Variants in ECE1 observed in about 807,000 individuals in gnomAD.
The protein encoded by ECE1 is endothelin converting enzyme 1.
ECE1 carries 35 observed loss-of-function variants against 98.6 expected under a neutral mutation model. That is an observed-to-expected ratio of 0.35 (90% CI 0.27 to 0.47). ECE1 has a LOEUF of 0.47. Ranked by LOEUF, ECE1 falls within the 20% of genes least tolerant of loss-of-function variation. ECE1 has a pLI of 1.00. For synonymous variants in ECE1, 394 were observed against 407.1 expected (o/e 0.97, Z 0.39); for missense variants, 814 against 1,025.3 (o/e 0.79, Z 2.81).
chr1:21,343,807 T>C (rs1639447093), intron 1 of ECE1, among the ~76,000 whole-genome samples: 1 of 152,208 alleles, frequency 6.6e-6, no homozygotes, highest in South Asian at 2.1e-4. Flanking sequence ...TGAGGGGACC[T>C]CTTTCTTTTT....
At chr1:21,339,289 A>G (rs1211581150) in intron 1 of ECE1, among the ~76,000 whole-genome samples, 4 of 152,192 alleles carry the variant, frequency 2.6e-5, no homozygotes, top group African/African-American at 7.2e-5. Flanking sequence ...CCAGCATTTG[A>G]GCCTGGCCAG....
intron 8 of ECE1, among the ~76,000 whole-genome samples, chr1:21,253,181 C>T (rs899429422): frequency 4.6e-5 from 7 of 151,884 alleles, no homozygotes; most frequent in Non-Finnish European, 2.9e-5. Context: ...CTCAGCCTAC[C>T]GAGTAGCTGG....
At chr1:21,255,255 T>C (rs2098218436) in intron 8 of ECE1, among the ~76,000 whole-genome samples, 1 of 152,194 alleles carries the variant, frequency 6.6e-6, no homozygotes, top group African/African-American at 2.4e-5. Context: ...CACGCATTCC[T>C]GGGTGATGTC....
intron 3 of ECE1, among the ~76,000 whole-genome samples, chr1:21,275,809 G>C (rs2098245831): frequency 6.6e-6 from 1 of 152,034 alleles, no homozygotes; most frequent in Non-Finnish European, 1.5e-5. Flanking sequence ...CCTCATCTAA[G>C]GCCCCCTCTT....
chr1:21,220,271 G>T lies in ECE1; in HGVS notation c.2137-140C>A. The T allele has an allele frequency of 1.1e-6, 1 of 931,476 alleles. No homozygotes were observed. The highest frequency in any genetic ancestry group is 1.6e-6 in the Non-Finnish European group (1 of 636,562). 57.7% of individuals were successfully genotyped at this position (931,476 alleles called of 1,614,324 possible). On this transcript the variant is annotated intron_variant, in intron 18 of 18. Transcript: ENST00000374893. This position sits in a 1 kb window ranked among gnomAD's most constrained non-coding sequence, Gnocchi z 5.0. ...AGCACTTTGGGAGCCAAGGTGGAAG[G>T]GCTGCTTGAGCCCAGGAGTTCATGA...
intron 5 of ECE1, among the ~76,000 whole-genome samples, chr1:21,259,691 G>C (rs1309696896): frequency 6.6e-6 from 1 of 152,116 alleles, no homozygotes; most frequent in African/African-American, 2.4e-5. Flanking sequence ...CAGGGAACAC[G>C]AGGCAGGCAG....
At chr1:21,239,397 CA>C (rs970866384) in intron 10 of ECE1, among the ~76,000 whole-genome samples, 4 of 152,190 alleles carry the variant, frequency 2.6e-5, no homozygotes, top group African/African-American at 9.7e-5. Flanking sequence ...CTCTTAACCC[CA>C]AAGAACAGGT....
intron 1 of ECE1, among the ~76,000 whole-genome samples, chr1:21,302,880 C>G (rs1471397432): frequency 6.6e-6 from 1 of 152,248 alleles, no homozygotes; most frequent in African/African-American, 2.4e-5. Context: ...AATGCCCCAG[C>G]TGTTGGCCCC....
intron 10 of ECE1, among the ~76,000 whole-genome samples, chr1:21,239,591 C>T (rs1026065314): frequency 6.6e-6 from 1 of 152,114 alleles, no homozygotes; most frequent in African/African-American, 2.4e-5. Context: ...TGGATAAATT[C>T]CACAGACTCA....
chr1:21,259,890 C>T (rs1332944958), intron 5 of ECE1, among the ~76,000 whole-genome samples: 3 of 152,158 alleles, frequency 2.0e-5, no homozygotes, highest in Non-Finnish European at 4.4e-5. Flanking sequence ...GGAACAGGCA[C>T]ACACCCCTCC....
At chr1:21,338,570 G>A (rs569105328) in intron 1 of ECE1, among the ~76,000 whole-genome samples, 2 of 152,340 alleles carry the variant, frequency 1.3e-5, no homozygotes, top group East Asian at 3.9e-4. Flanking sequence ...TCCTCTGAAT[G>A]AGAGTATTAT....
chr1:21,236,017 A>G (rs1019229999), intron 12 of ECE1, 90 bp from the exon 13 acceptor site: 114 of 1,251,192 alleles, frequency 9.1e-5, no homozygotes, highest in Non-Finnish European at 1.2e-4. Flanking sequence ...AGTCTGGGCC[A>G]AGGGGAACCA....
At chr1:21,276,026 C>CTTTTTTT (rs532213567) in intron 3 of ECE1, among the ~76,000 whole-genome samples, 8 of 91,272 alleles carry the variant, frequency 8.8e-5, no homozygotes, top group African/African-American at 1.5e-4. Context: ...TTAATACGTG[C>CTTTTTTT]TTTTTTTTTT....
chr1:21,305,131 T>C (rs1638569101), intron 1 of ECE1, among the ~76,000 whole-genome samples: 1 of 152,214 alleles, frequency 6.6e-6, no homozygotes, highest in South Asian at 2.1e-4. Flanking sequence ...AACCCTCCTT[T>C]GCACTAGCCA....
chr1:21,224,040 G>A (rs1002285731), intron 17 of ECE1, among the ~76,000 whole-genome samples: 1 of 151,998 alleles, frequency 6.6e-6, no homozygotes, highest in Non-Finnish European at 1.5e-5. Context: ...TCTGGTCCCC[G>A]CATTCCCTAC....
rs1021493124 is a variant in ECE1 at position 21,220,990 on chromosome 1, A to G, written c.2136+757T>C. On this transcript the variant is annotated intron_variant, in intron 18 of 18. Coordinates refer to ENST00000374893, the MANE Select transcript of ECE1 (RefSeq NM_001397.3). This position sits in a 1 kb window ranked among gnomAD's most constrained non-coding sequence, Gnocchi z 5.0. Reference sequence around the variant, plus strand: ...CAAACTGTTCTCCTTCAGCCAGCGCAGCATCTCTGAGGCAACTGCATTCGA... The same window carrying G: ...CAAACTGTTCTCCTTCAGCCAGCGCGGCATCTCTGAGGCAACTGCATTCGA... 6.6e-6 allele frequency among the ~76,000 whole-genome samples: 1 copy of G among 152,226 alleles called. No homozygotes were observed. Among genetic ancestry groups the G allele is most frequent in the Non-Finnish European group, 1.5e-5 (1 of 68,040 alleles).
chr1:21,238,305 T>C, intron 10 of ECE1, 61 bp from the exon 11 acceptor site: 3 of 1,357,754 alleles, frequency 2.2e-6, no homozygotes, highest in East Asian at 2.4e-5. Flanking sequence ...AACCCCTTTC[T>C]TGCTGGGAGG....
At chr1:21,250,084 G>A (rs946442831) in intron 8 of ECE1, among the ~76,000 whole-genome samples, 25 of 151,784 alleles carry the variant, frequency 1.6e-4, no homozygotes, top group African/African-American at 6.0e-4. Flanking sequence ...TGGCCCCACA[G>A]ATTTCATCTT....
chr1:21,290,036 G>A lies in ECE1; in HGVS notation c.138+34C>T. ...CAGCGCGCATGCCCGGGCCCGGGGC[G>A]CCTGGACCTCGGGAGGGAGCGGAGG... On this transcript the variant is annotated intron_variant, in intron 2 of 18. Transcript: ENST00000374893. The surrounding 1 kb of genome is among the most constrained non-coding windows in gnomAD (Gnocchi z 7.3). The A allele has an allele frequency of 7.4e-7, 1 of 1,359,530 alleles. No homozygotes were observed. The allele number at this position is 1,359,530 out of a possible 1,614,324, so 84.2% of individuals were successfully genotyped here.
Sources: allele counts gnomAD v4.1 joint callset (sites outside exome capture counted in the v4.1 genomes callset), GRCh38; gene constraint gnomAD v4.1.1; non-coding constraint Gnocchi (gnomAD v3.1); transcripts MANE v1.5; gene names NCBI Gene and HGNC (gene_info 2026-07-23, HGNC 2026-07-21).